Variants in CLDN10 observed in about 807,000 individuals in gnomAD.
CLDN10 encodes the protein claudin-10.
A neutral mutation model predicts 22.9 loss-of-function variants in CLDN10; 15 were observed. The ratio of observed to expected loss-of-function variants is 0.65; its 90% CI spans 0.44 to 1.01. CLDN10 has a LOEUF of 1.01. Ranked by LOEUF, CLDN10 falls within the 50% of genes least tolerant of loss-of-function variation. The pLI is 0.00. For missense variants in CLDN10, 247 were observed against 287.8 expected (o/e 0.86, Z 1.03); for synonymous variants, 114 against 111.4 (o/e 1.02, Z -0.15).
intron 1 of CLDN10, among the ~76,000 whole-genome samples, chr13:95,546,222 T>C (rs1337463144): frequency 6.6e-6 from 1 of 152,178 alleles, no homozygotes. Context: ...GCTGTAGATA[T>C]TGACTGTACT....
chr13:95,530,854 C>A (rs2043334802), intron 1 of CLDN10, among the ~76,000 whole-genome samples: 1 of 151,888 alleles, frequency 6.6e-6, no homozygotes, highest in South Asian at 2.1e-4. Flanking sequence ...AGTTCATATA[C>A]TAAGATCCTT....
At chr13:95,529,509 C>T (rs147358211) in intron 1 of CLDN10, among the ~76,000 whole-genome samples, 2 of 152,194 alleles carry the variant, frequency 1.3e-5, no homozygotes, top group East Asian at 3.9e-4. Flanking sequence ...AACTTCAGTC[C>T]TTTGCAGTAG....
upstream of CLDN10, among the ~76,000 whole-genome samples, chr13:95,549,183 T>C (rs894833331): frequency 3.3e-5 from 5 of 152,244 alleles, no homozygotes; most frequent in African/African-American, 1.2e-4. Flanking sequence ...TCTATAGCTT[T>C]TTGTAAAGAC....
At position 95,560,446 on chromosome 13, in the gene CLDN10, T is replaced by G; in HGVS notation, c.447T>G (p.Pro149=). The G allele has an allele frequency of 6.2e-7, 1 of 1,613,652 alleles. No individual in the cohort carries two copies. The highest frequency in any genetic ancestry group is 8.5e-7 in the Non-Finnish European group (1 of 1,179,596). ...AAATCACAACGGAATTCTTTGATCC[T>G]CTCTTTGTTGAGCAAAAGTAAGTAC... ...ANKITTEFFD[P]LFVEQKYELG... is the part of the protein sequence containing the mutation. Residue 149 remains proline (P), a synonymous_variant, in exon 3 of 5, where the codon CCT becomes CCG. Transcript: ENST00000299339.
At chr13:95,469,757 A>C (rs1373327592) in intron 1 of CLDN10, among the ~76,000 whole-genome samples, 1 of 152,250 alleles carries the variant, frequency 6.6e-6, no homozygotes, top group Non-Finnish European at 1.5e-5. Context: ...AAGACTGAAC[A>C]CACTCAAAAA....
intron 3 of CLDN10, among the ~76,000 whole-genome samples, chr13:95,573,444 G>A (rs555332318): frequency 7.9e-5 from 12 of 152,338 alleles, no homozygotes; most frequent in South Asian, 4.1e-4. Flanking sequence ...AAGGCTGGCC[G>A]AGGGCCAGGA....
chr13:95,441,404 C>T (rs749373639), intron 1 of CLDN10, among the ~76,000 whole-genome samples: 14 of 152,090 alleles, frequency 9.2e-5, no homozygotes, highest in Non-Finnish European at 1.9e-4. Context: ...GCCAACCATC[C>T]GGCTAATTTT....
Position 95,575,973 on chromosome 13 carries a change from G to A in CLDN10, c.465-1258G>A, listed in dbSNP as rs146082198. ...ACCATGCATGCTTGATTAAAAGCACGCCCTGCTTCCTGCTCCCCTGGCTAG... is the reference window on the plus strand; with the variant it reads ...ACCATGCATGCTTGATTAAAAGCACACCCTGCTTCCTGCTCCCCTGGCTAG... On this transcript the variant is annotated intron_variant, in intron 3 of 4. Coordinates refer to ENST00000299339, the MANE Select transcript of CLDN10 (RefSeq NM_006984.5). 3.6e-3 allele frequency among the ~76,000 whole-genome samples: 545 copies of A among 152,246 alleles called. 2 individuals carry two copies. The highest frequency in any genetic ancestry group is 0.012 in the African/African-American group (517 of 41,544).
intron 1 of CLDN10, among the ~76,000 whole-genome samples, chr13:95,497,685 G>A (rs1340135513): frequency 1.3e-5 from 2 of 152,326 alleles, no homozygotes; most frequent in South Asian, 2.1e-4. Context: ...GGCTTAAGTG[G>A]TCCCTTTATG....
chr13:95,563,270 T>A (rs1233150498), intron 3 of CLDN10, among the ~76,000 whole-genome samples: 1 of 151,922 alleles, frequency 6.6e-6, no homozygotes, highest in Non-Finnish European at 1.5e-5. Context: ...CACCTTGTAT[T>A]AGCTCTTATT....
intron 1 of CLDN10, among the ~76,000 whole-genome samples, chr13:95,443,897 C>A (rs537860914): frequency 1.3e-5 from 2 of 152,222 alleles, no homozygotes; most frequent in South Asian, 4.1e-4. Context: ...AGTGCCAGAG[C>A]ATGGAGAATA....
At chr13:95,490,852 G>C (rs2042865387) in intron 1 of CLDN10, among the ~76,000 whole-genome samples, 1 of 152,142 alleles carries the variant, frequency 6.6e-6, no homozygotes, top group Admixed American at 6.5e-5. Context: ...GCTGTTAGCA[G>C]AGTATTGAAG....
upstream of CLDN10, among the ~76,000 whole-genome samples, chr13:95,551,753 A>G (rs953913193): frequency 6.6e-6 from 1 of 152,206 alleles, no homozygotes; most frequent in African/African-American, 2.4e-5. Context: ...TTGTTCTCTC[A>G]TTTATGCCCA....
intron 3 of CLDN10, among the ~76,000 whole-genome samples, chr13:95,567,864 A>G (rs1301762130): frequency 6.6e-6 from 1 of 152,136 alleles, no homozygotes; most frequent in East Asian, 1.9e-4. Flanking sequence ...CCTTTTTTGC[A>G]TCTATTGGGA....
At chr13:95,527,097 C>T (rs2043289740) in intron 1 of CLDN10, among the ~76,000 whole-genome samples, 1 of 152,126 alleles carries the variant, frequency 6.6e-6, no homozygotes, top group African/African-American at 2.4e-5. Context: ...CCCATTTTTG[C>T]CACCTTCTTC....
chr13:95,539,781 G>A (rs935356182), intron 1 of CLDN10, among the ~76,000 whole-genome samples: 3 of 152,088 alleles, frequency 2.0e-5, no homozygotes, highest in Non-Finnish European at 4.4e-5. Context: ...TTATAATTCT[G>A]TTTCTATAGA....
At chr13:95,435,690 C>T (rs2042262288) in intron 1 of CLDN10, among the ~76,000 whole-genome samples, 2 of 152,124 alleles carry the variant, frequency 1.3e-5, no homozygotes, top group African/African-American at 4.8e-5. Context: ...CCTCTTGTCA[C>T]TCTGCACCTC....
At chr13:95,505,905 C>T (rs1303759411) in intron 1 of CLDN10, among the ~76,000 whole-genome samples, 1 of 152,072 alleles carries the variant, frequency 6.6e-6, no homozygotes, top group Non-Finnish European at 1.5e-5. Context: ...CAGGTGCCTG[C>T]CACCACGCCC....
intron 1 of CLDN10, among the ~76,000 whole-genome samples, chr13:95,496,513 A>C (rs190788463): frequency 7.8e-4 from 119 of 152,282 alleles, no homozygotes; most frequent in African/African-American, 2.7e-3. Context: ...AAAATACCAT[A>C]GACTGGGTGG....
Sources: allele counts gnomAD v4.1 joint callset (sites outside exome capture counted in the v4.1 genomes callset), GRCh38; gene constraint gnomAD v4.1.1; transcripts MANE v1.5; gene names NCBI Gene and HGNC (gene_info 2026-07-23, HGNC 2026-07-21).